Variants in TAOK3 observed in about 807,000 individuals in gnomAD.
TAOK3 encodes the protein TAO kinase 3.
Under a neutral mutation model 120.4 loss-of-function variants are expected in TAOK3, and 40 were observed. The observed-to-expected ratio is 0.33, with a 90% CI of 0.26 to 0.43. The LOEUF (loss-of-function observed/expected upper bound fraction) is 0.43, where lower values mean the gene tolerates loss of function less well. Ranked by LOEUF, TAOK3 falls within the 20% of genes least tolerant of loss-of-function variation. TAOK3 has a pLI of 1.00. For missense variants in TAOK3, 821 were observed against 1,112.1 expected (o/e 0.74, Z 3.72); for synonymous variants, 355 against 387.5 (o/e 0.92, Z 0.99).
chr12:118,203,977 G>A (rs2038164103), intron 11 of TAOK3, among the ~76,000 whole-genome samples: 1 of 152,010 alleles, frequency 6.6e-6, no homozygotes, highest in Non-Finnish European at 1.5e-5. Context: ...CTCAAGAAGT[G>A]ACATTAGGCT....
At position 118,161,777 on chromosome 12, in the gene TAOK3, A is replaced by G. The variant is rs759754197; in HGVS notation, c.2139+11T>C. On this transcript the variant is annotated intron_variant, in intron 18 of 20. Transcript: ENST00000392533. The surrounding 1 kb of genome is among the most constrained non-coding windows in gnomAD (Gnocchi z 4.5). The stretch of plus-strand genomic sequence containing the variant: ...ATCTGGTCCAACACTGTCCAGCAGC[A>G]CAAATCTTACCTTTAAGTTTTTTGG... The G allele has an allele frequency of 6.2e-7, 1 of 1,614,096 alleles. No individual in the cohort carries two copies. Among genetic ancestry groups the G allele is most frequent in the African/African-American group, 1.3e-5 (1 of 75,068 alleles).
intron 1 of TAOK3, among the ~76,000 whole-genome samples, chr12:118,272,299 A>G (rs976896891): frequency 1.3e-5 from 2 of 151,192 alleles, no homozygotes; most frequent in African/African-American, 2.4e-5. Flanking sequence ...CTCAAAAAAA[A>G]AAAAAAAAAG....
intron 1 of TAOK3, among the ~76,000 whole-genome samples, chr12:118,334,043 G>T (rs1316593833): frequency 6.7e-6 from 1 of 149,714 alleles, no homozygotes; most frequent in Non-Finnish European, 1.5e-5. Flanking sequence ...GCTGAGGCAG[G>T]AGAATCGCTT....
chr12:118,344,533 C>T (rs1466567106), intron 1 of TAOK3, among the ~76,000 whole-genome samples: 1 of 152,042 alleles, frequency 6.6e-6, no homozygotes, highest in Non-Finnish European at 1.5e-5. Context: ...TACCACTTTA[C>T]AGCATATTCA....
intron 1 of TAOK3, among the ~76,000 whole-genome samples, chr12:118,277,748 C>T (rs532161955): frequency 3.3e-5 from 5 of 151,910 alleles, no homozygotes; most frequent in East Asian, 1.9e-4. Context: ...CATGAGCCAC[C>T]GTGCCTGGGC....
At chr12:118,341,252 C>T (rs568229491) in intron 1 of TAOK3, among the ~76,000 whole-genome samples, 8 of 152,182 alleles carry the variant, frequency 5.3e-5, no homozygotes, top group South Asian at 4.2e-4. Flanking sequence ...CCGCCTGCCT[C>T]GGCTTCCCAA....
At chr12:118,303,555 C>T (rs1446898107) in intron 1 of TAOK3, among the ~76,000 whole-genome samples, 2 of 152,200 alleles carry the variant, frequency 1.3e-5, no homozygotes, top group Non-Finnish European at 2.9e-5. Context: ...TTACAAACTT[C>T]ATATTATGTT....
intron 2 of TAOK3, chr12:118,256,006 C>A (rs956652995): frequency 3.3e-5 from 5 of 152,366 alleles, no homozygotes; most frequent in Non-Finnish European, 7.3e-5. Context: ...ATCGCTTGAA[C>A]CCGGGAGGCT....
At chr12:118,167,531 C>T (rs1484078918) in intron 17 of TAOK3, among the ~76,000 whole-genome samples, 1 of 150,536 alleles carries the variant, frequency 6.6e-6, no homozygotes, top group African/African-American at 2.4e-5. Context: ...CAACAAAATA[C>T]TATTAGATGA....
chr12:118,224,781 T>C (rs2039420324), intron 9 of TAOK3, among the ~76,000 whole-genome samples: 1 of 152,194 alleles, frequency 6.6e-6, no homozygotes, highest in Non-Finnish European at 1.5e-5. Context: ...TGCTTTTTGA[T>C]GCCATCCCAG....
At chr12:118,258,822 C>T (rs182893227) in intron 2 of TAOK3, among the ~76,000 whole-genome samples, 6 of 151,550 alleles carry the variant, frequency 4.0e-5, no homozygotes, top group East Asian at 3.9e-4. Context: ...GGAGACTATA[C>T]GTAAAAGGGA....
At chr12:118,210,183 T>C (rs1020724425) in intron 11 of TAOK3, among the ~76,000 whole-genome samples, 4 of 152,212 alleles carry the variant, frequency 2.6e-5, no homozygotes, top group African/African-American at 9.6e-5. Context: ...CATTCATTCT[T>C]CCTGCTTGCC....
At chr12:118,210,785 C>T (rs1268381957) in intron 11 of TAOK3, among the ~76,000 whole-genome samples, 1 of 148,960 alleles carries the variant, frequency 6.7e-6, no homozygotes, top group East Asian at 2.0e-4. Context: ...GTTGCCCCGG[C>T]TGGAGAGCAG....
intron 13 of TAOK3, among the ~76,000 whole-genome samples, chr12:118,194,905 C>T (rs978099281): frequency 6.6e-6 from 1 of 152,020 alleles, no homozygotes; most frequent in Non-Finnish European, 1.5e-5. Context: ...CGTGCCACCA[C>T]GCCCAGCTAA....
chr12:118,166,032 T>C (rs2035557993), intron 17 of TAOK3, among the ~76,000 whole-genome samples: 1 of 152,086 alleles, frequency 6.6e-6, no homozygotes, highest in Non-Finnish European at 1.5e-5. Context: ...TAATGTTTAA[T>C]GTGCTTTCCA....
At chr12:118,151,285 G>GCACACACACACACA in intron 20 of TAOK3, 127 bp from the exon 21 acceptor site, 2 of 612,494 alleles carry the variant, frequency 3.3e-6, no homozygotes, top group South Asian at 5.1e-5. Context: ...AAGTGCGCGC[G>GCACACACACACACA]CGCGCACACA....
At chr12:118,360,162 G>A (rs1243083068) in intron 1 of TAOK3, among the ~76,000 whole-genome samples, 1 of 152,048 alleles carries the variant, frequency 6.6e-6, no homozygotes, top group African/African-American at 2.4e-5. Flanking sequence ...GTACTCGGGA[G>A]GCTGAGGCAG....
intron 1 of TAOK3, among the ~76,000 whole-genome samples, chr12:118,328,233 G>T (rs2044010479): frequency 6.6e-6 from 1 of 151,928 alleles, no homozygotes; most frequent in South Asian, 2.1e-4. Context: ...GCTAATTTTT[G>T]TATTTTTAGT....
intron 9 of TAOK3, among the ~76,000 whole-genome samples, chr12:118,223,192 C>CCTGAA (rs2039329600): frequency 2.0e-5 from 3 of 147,582 alleles, no homozygotes; most frequent in African/African-American, 5.0e-5. Flanking sequence ...GCCTCAGCCT[C>CCTGAA]TCCGAGTAGC....
Sources: allele counts gnomAD v4.1 joint callset (sites outside exome capture counted in the v4.1 genomes callset), GRCh38; gene constraint gnomAD v4.1.1; non-coding constraint Gnocchi (gnomAD v3.1); transcripts MANE v1.5; gene names NCBI Gene and HGNC (gene_info 2026-07-23, HGNC 2026-07-21).